Variants in SORL1 observed in about 807,000 individuals in gnomAD.
SORL1 encodes the protein sortilin related receptor 1.
A neutral mutation model predicts 273.7 loss-of-function variants in SORL1; 127 were observed. That is an observed-to-expected ratio of 0.46 (90% CI 0.40 to 0.54). The LOEUF is 0.54. Among genes scored for constraint, SORL1 ranks in the 20% least tolerant of loss-of-function variants. SORL1 has a pLI of 0.00. For synonymous variants in SORL1, 1,031 were observed against 1,067.4 expected (o/e 0.97, Z 0.66); for missense variants, 2,494 against 2,846.1 (o/e 0.88, Z 2.81).
chr11:121,562,492 G>T (rs1278214381), intron 21 of SORL1, among the ~76,000 whole-genome samples: 1 of 152,180 alleles, frequency 6.6e-6, no homozygotes, highest in African/African-American at 2.4e-5. Context: ...ATGAAATCTT[G>T]TACTGTCTCC....
In SORL1 at chr11:121,545,284, T is replaced by A. The variant is rs138438079; in HGVS notation, c.1906T>A (p.Ser636Thr). The change falls in exon 14 of 48, where the codon TCT (serine) becomes ACT (threonine). Residue 636 changes from serine to threonine, a missense_variant. Physicochemically the swap from Ser to Thr is moderately conservative, Grantham distance 58 (BLOSUM62 1). Coordinates refer to ENST00000260197, the MANE Select transcript of SORL1 (RefSeq NM_003105.6). ...TENDYKLWSP[S>T]DERGNECLLG... The stretch of plus-strand genomic sequence containing the variant: ...GAATGACTACAAGCTGTGGTCACCA[T>A]CTGATGAGCGGGGGAATGAGTGTTT... The A allele has an allele frequency of 7.6e-4, 1,221 of 1,614,116 alleles. 2 individuals are homozygous for A. The highest frequency in any genetic ancestry group is 9.7e-4 in the Non-Finnish European group (1,141 of 1,179,962).
At chr11:121,623,922 A>T (rs1237987917) in intron 45 of SORL1, among the ~76,000 whole-genome samples, 1 of 152,196 alleles carries the variant, frequency 6.6e-6, no homozygotes, top group African/African-American at 2.4e-5. Flanking sequence ...GGTTTAATTG[A>T]CTCACAGTTC....
Position 121,589,316 on chromosome 11 carries a change from G to A in SORL1, c.4004G>A (p.Gly1335Glu). ...CDEFGFQCQN[G>E]VCISLIWKCD... ...GAGTTCGGTTTCCAGTGTCAGAATG[G>A]AGTGTGCATCAGTTTGATTTGGAAG... The change falls in exon 29 of 48, where the codon GGA becomes GAA. Residue 1335 changes from glycine to glutamate, a missense_variant. Coordinates refer to ENST00000260197, the MANE Select transcript of SORL1 (RefSeq NM_003105.6). 1 of 1,613,906 alleles carries A rather than the reference G, an allele frequency of 6.2e-7. No individual in the cohort carries two copies. Among genetic ancestry groups the A allele is most frequent in the Non-Finnish European group, 8.5e-7 (1 of 1,179,762 alleles).
intron 1 of SORL1, among the ~76,000 whole-genome samples, chr11:121,453,861 C>T (rs1273492378): frequency 6.6e-6 from 1 of 152,224 alleles, no homozygotes; most frequent in Admixed American, 6.5e-5. Context: ...TGCTTGACTG[C>T]AGTCACCCTG....
chr11:121,557,358 C>G lies in SORL1; in HGVS notation c.2616C>G (p.Ser872=), dbSNP rs1172151552. 6.2e-7 allele frequency: 1 copy of G among 1,614,182 alleles called. No homozygotes were observed. Among genetic ancestry groups the G allele is most frequent in the South Asian group, 1.1e-5 (1 of 91,090 alleles). ...ACTTCCGACTCACAATCGTCAATTC[C>G]TCTGTGCTTGATCGTCCCAGGGCTC... The part of the protein sequence containing the change: ...DGDFRLTIVN[S]SVLDRPRALV... The change falls in exon 19 of 48, where the codon TCC becomes TCG. Residue 872 remains serine (S), a synonymous_variant. Transcript: ENST00000260197.
chr11:121,500,231 G>C (rs1011646858), intron 6 of SORL1, among the ~76,000 whole-genome samples: 1 of 152,218 alleles, frequency 6.6e-6, no homozygotes, highest in Non-Finnish European at 1.5e-5. Flanking sequence ...AAAAGCTTGA[G>C]GTGGGTCAGG....
At position 121,452,857 on chromosome 11, in the gene SORL1, C is replaced by T. The variant is rs1382326706; in HGVS notation, c.285+241C>T. 2 of 451,810 alleles carry T rather than the reference C, an allele frequency of 4.4e-6. No homozygotes were observed. Among genetic ancestry groups the T allele is most frequent in the Non-Finnish European group, 7.8e-6 (2 of 257,264 alleles). The allele number at this position is 451,810 out of a possible 1,614,324, so 28.0% of individuals were successfully genotyped here. A position where few individuals can be genotyped will look rare whatever the true frequency, so the allele number is the denominator to read the frequency against. ...ACTCGCCGGGTGCAGTGCGTATTAC[C>T]CCAGGGTGTGTGCAGAGAGATGTAG... On this transcript the variant is annotated intron_variant, in intron 1 of 47. Coordinates refer to ENST00000260197, the MANE Select transcript of SORL1 (RefSeq NM_003105.6). The surrounding 1 kb of genome is among the most constrained non-coding windows in gnomAD (Gnocchi z 5.3).
intron 8 of SORL1, among the ~76,000 whole-genome samples, chr11:121,515,556 G>A (rs1861937724): frequency 6.6e-6 from 1 of 152,208 alleles, no homozygotes; most frequent in African/African-American, 2.4e-5. Context: ...GAGGGAGAGA[G>A]AAGGAAGAAA....
At chr11:121,540,725 A>C (rs1862336005) in intron 12 of SORL1, among the ~76,000 whole-genome samples, 1 of 152,196 alleles carries the variant, frequency 6.6e-6, no homozygotes, top group South Asian at 2.1e-4. Context: ...GTATTTTCAG[A>C]TACAAGCTAT....
intron 24 of SORL1, among the ~76,000 whole-genome samples, chr11:121,576,507 A>G (rs920206624): frequency 3.3e-5 from 5 of 152,238 alleles, no homozygotes; most frequent in African/African-American, 9.6e-5. Flanking sequence ...GTTTCAACAT[A>G]CAAATTTGAA....
At chr11:121,459,944 G>T (rs1028826411) in intron 1 of SORL1, among the ~76,000 whole-genome samples, 1 of 152,168 alleles carries the variant, frequency 6.6e-6, no homozygotes, top group Non-Finnish European at 1.5e-5. Context: ...GCTGCTGCAG[G>T]CTCTTAGCTT....
At chr11:121,475,380 C>T (rs896472905) in intron 2 of SORL1, among the ~76,000 whole-genome samples, 4 of 152,216 alleles carry the variant, frequency 2.6e-5, no homozygotes, top group African/African-American at 9.6e-5. Context: ...TGATGGCCTT[C>T]AGGCATAGGA....
Position 121,554,120 on chromosome 11 carries a change from G to A in SORL1, c.2439+11G>A, listed in dbSNP as rs758170059. On this transcript the variant is annotated intron_variant, in intron 17 of 47. Transcript: ENST00000260197. This position sits in a 1 kb window ranked among gnomAD's most constrained non-coding sequence, Gnocchi z 4.6. Reference sequence around the variant, plus strand: ...TTGGACGTCATCCAGGTGAGTCAGCGCTTGGTCTGACTGTGGGAGCTGTGC... The same window carrying A: ...TTGGACGTCATCCAGGTGAGTCAGCACTTGGTCTGACTGTGGGAGCTGTGC... 1.5e-5 allele frequency: 24 copies of A among 1,611,146 alleles called. No individual in the cohort carries two copies. The highest frequency in any genetic ancestry group is 2.7e-5 in the African/African-American group (2 of 74,866).
chr11:121,480,266 A>C (rs988624918), intron 3 of SORL1, among the ~76,000 whole-genome samples: 5 of 152,194 alleles, frequency 3.3e-5, no homozygotes, highest in African/African-American at 1.2e-4. Context: ...GTTTTTAAAC[A>C]TTATGTTCTA....
intron 16 of SORL1, among the ~76,000 whole-genome samples, chr11:121,552,728 A>G (rs1220093272): frequency 4.6e-5 from 7 of 152,214 alleles, no homozygotes; most frequent in African/African-American, 1.2e-4. Flanking sequence ...TTTTTGATGC[A>G]TTATCTATAT....
chr11:121,605,667 G>A (rs1480442314), intron 35 of SORL1, 96 bp downstream of exon 35: 2 of 979,336 alleles, frequency 2.0e-6, no homozygotes, highest in African/African-American at 1.6e-5. Context: ...GGGAACATAT[G>A]TGTGCCTCAC....
chr11:121,509,139 C>G (rs1210506150), intron 6 of SORL1, among the ~76,000 whole-genome samples: 1 of 142,912 alleles, frequency 7.0e-6, no homozygotes, highest in African/African-American at 2.6e-5. Context: ...TTGTAAACAA[C>G]ATTAAGGTGG....
intron 35 of SORL1, 61 bp from the exon 36 acceptor site, chr11:121,606,784 A>G: frequency 8.3e-7 from 1 of 1,199,862 alleles, no homozygotes; most frequent in Non-Finnish European, 1.2e-6. Context: ...AAGCCCAGGA[A>G]AATTCCTCTG....
At chr11:121,530,263 T>A (rs1019748463) in intron 11 of SORL1, among the ~76,000 whole-genome samples, 6 of 152,256 alleles carry the variant, frequency 3.9e-5, no homozygotes, top group Non-Finnish European at 8.8e-5. Context: ...TGGAAAAATC[T>A]CTGTTTACCC....
Sources: gnomAD v4.1 joint callset for allele counts (sites outside exome capture counted in the v4.1 genomes callset) on GRCh38, gnomAD v4.1.1 for gene constraint, Gnocchi (gnomAD v3.1) non-coding constraint, MANE v1.5 for transcripts, NCBI Gene and HGNC (gene_info 2026-07-23, HGNC 2026-07-21) for gene names.